CCDC91: variants seen among roughly 807,000 people sequenced by gnomAD.
The protein encoded by CCDC91 is coiled-coil domain-containing protein 91.
In CCDC91, 48 loss-of-function variants were observed where a neutral mutation model predicts 63.2. The observed-to-expected ratio is 0.76, with a 90% CI of 0.60 to 0.97. CCDC91 has a LOEUF of 0.97. CCDC91 is among the 50% of genes least tolerant of loss of function. CCDC91 has a pLI of 0.00. For synonymous variants in CCDC91, 167 were observed against 165.8 expected (o/e 1.01, Z -0.06); for missense variants, 500 against 494.6 (o/e 1.01, Z -0.10).
At chr12:28,205,128 A>T (rs537716221) in intron 1 of CCDC91, among the ~76,000 whole-genome samples, 2 of 152,218 alleles carry the variant, frequency 1.3e-5, no homozygotes, top group African/African-American at 2.4e-5. Context: ...ACTCTTTCAG[A>T]TATTGCTCAT....
Position 28,332,727 on chromosome 12 carries a change from A to G in CCDC91, c.576+24978A>G, listed in dbSNP as rs1941609827. Among the ~76,000 whole-genome samples, 7 of 152,278 alleles carry G rather than the reference A, an allele frequency of 4.6e-5. No homozygotes were observed. In the South Asian group the frequency reaches 1.4e-3, roughly 32 times the overall value. On this transcript the variant is annotated intron_variant, in intron 6 of 12. Transcript: ENST00000536442. ...TCAGTTGTTTTCCTCACTCATCAGTATACAACCTTGTTTTATGTGTGTTTC... is the reference window on the plus strand; with the variant it reads ...TCAGTTGTTTTCCTCACTCATCAGTGTACAACCTTGTTTTATGTGTGTTTC...
At chr12:28,319,744 T>C (rs1457717605) in intron 6 of CCDC91, among the ~76,000 whole-genome samples, 17 of 151,818 alleles carry the variant, frequency 1.1e-4, no homozygotes, top group Non-Finnish European at 1.6e-4. Flanking sequence ...AGGTTAGTTA[T>C]AATACCTAAT....
intron 1 of CCDC91, chr12:28,225,843 A>G (rs1183567660): frequency 6.6e-6 from 1 of 152,190 alleles, no homozygotes; most frequent in Admixed American, 6.5e-5. Flanking sequence ...CCTCATTCCA[A>G]GTTCCAGGAT....
At chr12:28,291,791 C>G (rs1293098619) in intron 3 of CCDC91, among the ~76,000 whole-genome samples, 1 of 152,100 alleles carries the variant, frequency 6.6e-6, no homozygotes, top group Non-Finnish European at 1.5e-5. Flanking sequence ...GCTTTTTCAC[C>G]TTTCCAGTTT....
At chr12:28,412,528 C>G (rs1407997166) in intron 8 of CCDC91, among the ~76,000 whole-genome samples, 1 of 152,154 alleles carries the variant, frequency 6.6e-6, no homozygotes, top group Non-Finnish European at 1.5e-5. Flanking sequence ...GGATCGTGGT[C>G]TTGCTGACTT....
chr12:28,288,937 C>G (rs1439463619), intron 3 of CCDC91, among the ~76,000 whole-genome samples: 1 of 152,082 alleles, frequency 6.6e-6, no homozygotes, highest in Non-Finnish European at 1.5e-5. Flanking sequence ...AGGAATTTAT[C>G]CATTTCTTCT....
intron 6 of CCDC91, among the ~76,000 whole-genome samples, chr12:28,323,797 C>T (rs1187819320): frequency 5.3e-5 from 8 of 151,776 alleles, no homozygotes; most frequent in Non-Finnish European, 5.9e-5. Context: ...TTCTTATAGA[C>T]GGAGTGGCAT....
chr12:28,454,796 G>C (rs1390698285), intron 11 of CCDC91, among the ~76,000 whole-genome samples: 1 of 152,050 alleles, frequency 6.6e-6, no homozygotes, highest in Non-Finnish European at 1.5e-5. Flanking sequence ...GCACTGTACT[G>C]GGGATAGGGA....
At chr12:28,377,597 T>C (rs1370408217) in intron 7 of CCDC91, among the ~76,000 whole-genome samples, 6 of 151,920 alleles carry the variant, frequency 3.9e-5, no homozygotes. Context: ...TTACTTATTA[T>C]TACATTCATT....
At chr12:28,539,548 C>A (rs548718985) in intron 12 of CCDC91, among the ~76,000 whole-genome samples, 1 of 152,222 alleles carries the variant, frequency 6.6e-6, no homozygotes, top group Admixed American at 6.5e-5. Flanking sequence ...CATGATGCCT[C>A]CAGCTTTGTT....
intron 12 of CCDC91, among the ~76,000 whole-genome samples, chr12:28,520,385 G>A (rs563286450): frequency 3.2e-4 from 49 of 152,244 alleles, no homozygotes; most frequent in African/African-American, 5.8e-4. Context: ...AGAAGTGTCC[G>A]TTCTTACCTT....
intron 11 of CCDC91, among the ~76,000 whole-genome samples, chr12:28,469,499 T>C (rs1473096226): frequency 6.6e-6 from 1 of 152,082 alleles, no homozygotes; most frequent in Non-Finnish European, 1.5e-5. Flanking sequence ...ATTGTTAAAA[T>C]GTCCATATTT....
intron 7 of CCDC91, among the ~76,000 whole-genome samples, chr12:28,373,889 C>T (rs1020601043): frequency 1.3e-5 from 2 of 152,096 alleles, no homozygotes; most frequent in African/African-American, 4.8e-5. Flanking sequence ...TCTGGCATGT[C>T]CCCTGTTTGG....
chr12:28,371,479 G>A (rs1944619017), intron 7 of CCDC91, among the ~76,000 whole-genome samples: 1 of 152,092 alleles, frequency 6.6e-6, no homozygotes, highest in African/African-American at 2.4e-5. Flanking sequence ...AAAGGTTAGG[G>A]ACTGCTGTAT....
intron 11 of CCDC91, among the ~76,000 whole-genome samples, chr12:28,478,820 C>T (rs1223066053): frequency 2.6e-5 from 4 of 152,152 alleles, no homozygotes; most frequent in Non-Finnish European, 5.9e-5. Flanking sequence ...AGAGACAGTT[C>T]TCAAAATAAG....
intron 12 of CCDC91, among the ~76,000 whole-genome samples, chr12:28,509,062 G>A (rs11049682): frequency 0.21 from 31,729 of 151,828 alleles, 4,347 homozygotes; most frequent in Non-Finnish European, 0.31. Context: ...AGCAGTTATG[G>A]CATTTCTATT....
At position 28,450,441 on chromosome 12, in the gene CCDC91, G is replaced by T. The variant is rs199683252; in HGVS notation, c.924+23G>T. The T allele has an allele frequency of 3.9e-4, 609 of 1,559,010 alleles. 1 individual carries two copies. Among genetic ancestry groups the T allele is most frequent in the Non-Finnish European group, 5.3e-4 (595 of 1,130,904 alleles). On this transcript the variant is annotated intron_variant, in intron 10 of 12. Transcript: ENST00000536442. ...AAGGTATTTCCATCTGTAATAGTGG[G>T]TTGCTTGTAAGTAAGTGGAATTAAA...
At chr12:28,546,394 T>A (rs542474815) in intron 12 of CCDC91, among the ~76,000 whole-genome samples, 17 of 152,248 alleles carry the variant, frequency 1.1e-4, no homozygotes, top group African/African-American at 3.8e-4. Context: ...TATTAAGGTT[T>A]ATTATAAAGC....
intron 3 of CCDC91, among the ~76,000 whole-genome samples, chr12:28,270,663 AG>A (rs1359841716): frequency 2.0e-5 from 3 of 152,192 alleles, no homozygotes. Context: ...AGGTTCCTAA[AG>A]GAGCAACCTT....
Sources: allele counts gnomAD v4.1 joint callset (sites outside exome capture counted in the v4.1 genomes callset), GRCh38; gene constraint gnomAD v4.1.1; transcripts MANE v1.5; gene names NCBI Gene and HGNC (gene_info 2026-07-23, HGNC 2026-07-21).